ABI2: variants seen among roughly 807,000 people sequenced by gnomAD.
ABI2 encodes the protein abl interactor 2, also known as abelson interactor 2.
ABI2 carries 25 observed loss-of-function variants against 59.2 expected under a neutral mutation model. The ratio of observed to expected loss-of-function variants is 0.42; its 90% CI spans 0.31 to 0.59. The LOEUF is 0.59. ABI2 is among the 20% of genes least tolerant of loss of function. ABI2 has a pLI of 0.14. For synonymous variants in ABI2, 213 were observed against 235.5 expected, an observed-to-expected ratio of 0.90 and a Z score of 0.87; for missense variants, 545 against 681.8, an observed-to-expected ratio of 0.80 and a Z score of 2.23.
intron 1 of ABI2, among the ~76,000 whole-genome samples, chr2:203,344,532 A>C (rs868847129): frequency 6.9e-6 from 1 of 145,632 alleles, no homozygotes; most frequent in African/African-American, 2.6e-5. Context: ...CACCCGGCTA[A>C]TTTTTGCTTT....
At chr2:203,380,444 A>C in intron 3 of ABI2, 60 bp downstream of exon 3, 1 of 1,136,156 alleles carries the variant, frequency 8.8e-7, no homozygotes, top group Non-Finnish European at 1.2e-6. Flanking sequence ...CCAACTCTTG[A>C]GAAAATTAAG....
chr2:203,407,986 C>T (rs2097502290), intron 9 of ABI2, among the ~76,000 whole-genome samples: 1 of 152,184 alleles, frequency 6.6e-6, no homozygotes, highest in African/African-American at 2.4e-5. Context: ...GAATTAATTT[C>T]GACCACCTTA....
At chr2:203,342,200 T>C (rs1173040099) in intron 1 of ABI2, 6 of 456,232 alleles carry the variant, frequency 1.3e-5, no homozygotes, top group East Asian at 6.9e-5. Context: ...AAAATAGTTA[T>C]TGAGCATCTT....
intron 9 of ABI2, chr2:203,403,253 A>T (rs2097294077): frequency 6.5e-6 from 1 of 152,820 alleles, no homozygotes; most frequent in Non-Finnish European, 1.5e-5. Context: ...AATCGGTTGT[A>T]TCATGCATGC....
At chr2:203,394,656 G>A (rs2096901187) in intron 5 of ABI2, 44 bp from the exon 6 acceptor site, 5 of 1,571,044 alleles carry the variant, frequency 3.2e-6, no homozygotes, top group African/African-American at 2.7e-5. Context: ...TTATTGTGCC[G>A]AAACTTGCTT....
chr2:203,336,300 T>C (rs980875661), intron 1 of ABI2, among the ~76,000 whole-genome samples: 5 of 152,164 alleles, frequency 3.3e-5, no homozygotes, highest in Non-Finnish European at 7.4e-5. Flanking sequence ...CTTCACTCTT[T>C]TGGGTAAATT....
intron 8 of ABI2, among the ~76,000 whole-genome samples, chr2:203,399,351 G>A (rs1426364008): frequency 6.6e-6 from 1 of 152,090 alleles, no homozygotes; most frequent in Non-Finnish European, 1.5e-5. Flanking sequence ...CCTCTTTGGT[G>A]AAGTATCTGT....
At chr2:203,349,568 C>G (rs559975571) in intron 1 of ABI2, among the ~76,000 whole-genome samples, 4 of 152,208 alleles carry the variant, frequency 2.6e-5, no homozygotes, top group South Asian at 4.1e-4. Flanking sequence ...CCATGCCTGG[C>G]TAATTTTTGT....
intron 4 of ABI2, among the ~76,000 whole-genome samples, chr2:203,385,136 A>ATTTTTT (rs1231169110): frequency 7.6e-5 from 2 of 26,240 alleles, no homozygotes; most frequent in Admixed American, 4.9e-4. Context: ...CCCGGCTCAG[A>ATTTTTT]TTCTTTTTTT....
chr2:203,423,827 A>G (rs2098325236), intron 11 of ABI2, among the ~76,000 whole-genome samples: 1 of 152,232 alleles, frequency 6.6e-6, no homozygotes, highest in East Asian at 1.9e-4. Flanking sequence ...AAAGAGAATC[A>G]TTTAAGCTAA....
intron 1 of ABI2, among the ~76,000 whole-genome samples, chr2:203,331,808 C>CTTTTTTTTT (rs55695294): frequency 8.2e-6 from 1 of 121,974 alleles, no homozygotes; most frequent in Non-Finnish European, 1.8e-5. Flanking sequence ...GCTCAGTGTT[C>CTTTTTTTTT]TTTTTTTTTT....
intron 2 of ABI2, among the ~76,000 whole-genome samples, chr2:203,371,930 T>C (rs2095246109): frequency 6.6e-6 from 1 of 151,678 alleles, no homozygotes; most frequent in South Asian, 2.1e-4. Flanking sequence ...TTTTATTTTA[T>C]TTATTTATTT....
intron 3 of ABI2, among the ~76,000 whole-genome samples, chr2:203,381,860 T>C (rs2096150478): frequency 1.3e-5 from 2 of 152,252 alleles, no homozygotes; most frequent in Non-Finnish European, 1.5e-5. Flanking sequence ...CCCATTCTTA[T>C]AATCCTCAAA....
intron 11 of ABI2, among the ~76,000 whole-genome samples, chr2:203,420,264 ATC>A (rs2098136582): frequency 6.6e-6 from 1 of 152,110 alleles, no homozygotes; most frequent in Non-Finnish European, 1.5e-5. Flanking sequence ...CCCGTTTTGT[ATC>A]TCTTAACTTT....
intron 1 of ABI2, among the ~76,000 whole-genome samples, chr2:203,335,550 G>A (rs140156023): frequency 4.9e-4 from 74 of 152,240 alleles, no homozygotes; most frequent in African/African-American, 1.7e-3. Context: ...CCTGTCAGCC[G>A]CCATGCCTGG....
intron 1 of ABI2, among the ~76,000 whole-genome samples, chr2:203,330,311 TTGTAA>T (rs1048246115): frequency 6.6e-6 from 1 of 151,678 alleles, no homozygotes; most frequent in Non-Finnish European, 1.5e-5. Flanking sequence ...AAATGTCCAC[TTGTAA>T]TGTACTTTGC....
At chr2:203,385,139 C>CTTTTTTTTTGTTTTTTTTTTTTTT (rs2096429559) in intron 4 of ABI2, among the ~76,000 whole-genome samples, 1 of 69,938 alleles carries the variant, frequency 1.4e-5, no homozygotes, top group Non-Finnish European at 2.9e-5. Context: ...GGCTCAGATT[C>CTTTTTTTTTGTTTTTTTTTTTTTT]TTTTTTTTTT....
At chr2:203,401,040 C>T (rs1352093376) in intron 8 of ABI2, among the ~76,000 whole-genome samples, 1 of 152,042 alleles carries the variant, frequency 6.6e-6, no homozygotes, top group Non-Finnish European at 1.5e-5. Flanking sequence ...TTCAGGATAA[C>T]CTTAGGCACA....
chr2:203,404,389 C>T (rs1023127526), intron 9 of ABI2, among the ~76,000 whole-genome samples: 2 of 152,178 alleles, frequency 1.3e-5, no homozygotes, highest in African/African-American at 4.8e-5. Flanking sequence ...TCCCTTCTAT[C>T]TTTTATCACG....
Sources: allele counts gnomAD v4.1 joint callset (sites outside exome capture counted in the v4.1 genomes callset), GRCh38; gene constraint gnomAD v4.1.1; transcripts MANE v1.5; gene names NCBI Gene and HGNC (gene_info 2026-07-23, HGNC 2026-07-21).